RBFOX1: variants seen among roughly 807,000 people sequenced by gnomAD.
RBFOX1 encodes RNA binding protein fox-1 homolog 1.
A neutral mutation model predicts 57.7 loss-of-function variants in RBFOX1; 8 were observed. That is an observed-to-expected ratio of 0.14 (90% CI 0.08 to 0.25). RBFOX1 has a LOEUF of 0.25. RBFOX1 is among the 10% of genes least tolerant of loss of function. The probability of loss-of-function intolerance (pLI) is 1.00; values close to 1 mark genes in which losing one functional copy is unlikely to be tolerated. For synonymous variants in RBFOX1, 326 were observed against 222.4 expected (o/e 1.47, Z -4.15); for missense variants, 611 against 548.5 (o/e 1.11, Z -1.14).
chr16:6,102,417 C>G (rs921787544), intron 1 of RBFOX1, among the ~76,000 whole-genome samples: 5 of 152,200 alleles, frequency 3.3e-5, no homozygotes, highest in African/African-American at 1.2e-4. Flanking sequence ...GCTTCAGTCT[C>G]TAAGTCTTAC....
At chr16:5,243,573 C>T (rs865998134) in intron 1 of RBFOX1, among the ~76,000 whole-genome samples, 1 of 152,116 alleles carries the variant, frequency 6.6e-6, no homozygotes, top group African/African-American at 2.4e-5. Flanking sequence ...GGTGCCATTC[C>T]CCCCTCCCAG....
chr16:6,545,508 C>A lies in RBFOX1; in HGVS notation c.-63-109095C>A, dbSNP rs1487247243. Among the ~76,000 whole-genome samples the A allele has an allele frequency of 1.3e-5, 2 of 152,164 alleles. 1 individual carries two copies. Among genetic ancestry groups the A allele is most frequent in the South Asian group, 4.1e-4 (2 of 4,828 alleles). On this transcript the variant is annotated intron_variant, in intron 2 of 15. Transcript: ENST00000550418. Reference sequence around the variant, plus strand: ...CTCTCCTTCTGCCAGAGGATGCCTCCTGTCGTGGTCACTTGGCAAGGTCCA... The same window carrying A: ...CTCTCCTTCTGCCAGAGGATGCCTCATGTCGTGGTCACTTGGCAAGGTCCA...
intron 4 of RBFOX1, among the ~76,000 whole-genome samples, chr16:5,980,327 C>T (rs144533102): frequency 5.2e-3 from 791 of 152,234 alleles, no homozygotes; most frequent in Middle Eastern, 0.01. Context: ...GGCGGCAGAA[C>T]GGTATAGATG....
At chr16:6,634,653 C>A (rs1047781150) in intron 2 of RBFOX1, among the ~76,000 whole-genome samples, 33 of 95,068 alleles carry the variant, frequency 3.5e-4, no homozygotes, top group Admixed American at 2.3e-4. Context: ...TTATATAATA[C>A]AAATATATGT....
chr16:7,353,085 A>G (rs2097156447), intron 4 of RBFOX1, among the ~76,000 whole-genome samples: 1 of 152,164 alleles, frequency 6.6e-6, no homozygotes, highest in African/African-American at 2.4e-5. Flanking sequence ...CCCTAAAGCC[A>G]TACCTTTGAC....
chr16:6,709,367 T>C (rs2063335351), intron 3 of RBFOX1, among the ~76,000 whole-genome samples: 1 of 152,166 alleles, frequency 6.6e-6, no homozygotes, highest in South Asian at 2.1e-4. Flanking sequence ...AAAAATAAAT[T>C]TCAAGCATGC....
intron 2 of RBFOX1, among the ~76,000 whole-genome samples, chr16:6,523,652 A>T (rs2096539315): frequency 6.6e-6 from 1 of 152,216 alleles, no homozygotes; most frequent in African/African-American, 2.4e-5. Context: ...CAAATACATC[A>T]TAAGTATGTT....
At chr16:6,864,072 C>T (rs940242818) in intron 3 of RBFOX1, among the ~76,000 whole-genome samples, 1 of 150,220 alleles carries the variant, frequency 6.7e-6, no homozygotes, top group Non-Finnish European at 1.5e-5. Flanking sequence ...CTTCAGACTA[C>T]AGGGAGAGTA....
At chr16:6,981,864 A>G (rs768292090) in intron 3 of RBFOX1, among the ~76,000 whole-genome samples, 62 of 152,214 alleles carry the variant, frequency 4.1e-4, no homozygotes, top group Non-Finnish European at 6.9e-4. Flanking sequence ...TACACTGATG[A>G]CATTTAAGTT....
intron 14 of RBFOX1, among the ~76,000 whole-genome samples, chr16:7,696,369 C>G (rs1342903621): frequency 1.3e-5 from 2 of 152,090 alleles, no homozygotes; most frequent in Non-Finnish European, 2.9e-5. Flanking sequence ...GAGTTGGATT[C>G]TTCAATAGAT....
At chr16:7,257,098 C>T (rs1053005496) in intron 4 of RBFOX1, among the ~76,000 whole-genome samples, 3 of 152,118 alleles carry the variant, frequency 2.0e-5, no homozygotes, top group Non-Finnish European at 2.9e-5. Flanking sequence ...TGCATGCCAT[C>T]GTCCTTCAGT....
intron 4 of RBFOX1, among the ~76,000 whole-genome samples, chr16:7,227,371 C>CTGCATAATCCTCCTCTCGTAACCT (rs1555602706): frequency 3.3e-5 from 5 of 149,482 alleles, no homozygotes; most frequent in Admixed American, 6.8e-5. Flanking sequence ...ACTTAGCTCA[C>CTGCATAATCCTCCTCTCGTAACCT]TGCATAATCC....
chr16:7,597,364 T>A lies in RBFOX1; in HGVS notation c.562-7T>A. 6.2e-7 allele frequency: 1 copy of A among 1,606,234 alleles called. No individual in the cohort carries two copies. The highest frequency in any genetic ancestry group is 8.5e-7 in the Non-Finnish European group (1 of 1,174,760). On this transcript the variant is annotated splice_polypyrimidine_tract_variant and splice_region_variant and intron_variant, in intron 8 of 15. Coordinates refer to ENST00000550418, the MANE Select transcript of RBFOX1 (RefSeq NM_018723.4). ...TATGTGCTTACTTGAGTTTTCTATG[T>A]ACATAGGTAAATAATGCCACAGCAC... is the stretch of plus-strand genomic sequence containing the variant.
chr16:5,866,167 C>T (rs1394911615), intron 3 of RBFOX1, among the ~76,000 whole-genome samples: 9 of 152,136 alleles, frequency 5.9e-5, no homozygotes, highest in Non-Finnish European at 1.3e-4. Flanking sequence ...TGGGGTTTCA[C>T]CATGTTGGCC....
intron 11 of RBFOX1, among the ~76,000 whole-genome samples, chr16:7,652,431 A>G (rs1450503424): frequency 6.6e-6 from 1 of 152,202 alleles, no homozygotes; most frequent in Non-Finnish European, 1.5e-5. Flanking sequence ...TATTTGAGAA[A>G]AAGTCTTGCT....
intron 4 of RBFOX1, among the ~76,000 whole-genome samples, chr16:7,178,977 G>A (rs962121445): frequency 3.9e-5 from 6 of 152,068 alleles, no homozygotes; most frequent in African/African-American, 1.2e-4. Flanking sequence ...TATAATTTTC[G>A]GTGGCAGTGC....
At chr16:7,646,282 G>T (rs887085589) in intron 11 of RBFOX1, among the ~76,000 whole-genome samples, 1 of 152,096 alleles carries the variant, frequency 6.6e-6, no homozygotes, top group Non-Finnish European at 1.5e-5. Flanking sequence ...GGTTTATTTC[G>T]CCTCAGTATG....
rs144563224 is a variant in RBFOX1 at position 6,733,973 on chromosome 16, A to G, written c.-16+79323A>G. On this transcript the variant is annotated intron_variant, in intron 3 of 15. Coordinates refer to ENST00000550418, the MANE Select transcript of RBFOX1 (RefSeq NM_018723.4). ...TCTATCTTTAAGGGTTGCCATAAAG[A>G]CAAAGTTTATAGGACACAGTGTTCA... 3.9e-5 allele frequency among the ~76,000 whole-genome samples: 6 copies of G among 152,284 alleles called. No homozygotes were observed. In the East Asian group the frequency reaches 1.2e-3, roughly 29 times the overall value.
At chr16:7,669,203 C>T (rs894410762) in intron 13 of RBFOX1, among the ~76,000 whole-genome samples, 3 of 152,162 alleles carry the variant, frequency 2.0e-5, no homozygotes, top group African/African-American at 7.2e-5. Context: ...CATGACTGAC[C>T]CCTGAAGCTA....
Sources: gnomAD v4.1 joint callset for allele counts (sites outside exome capture counted in the v4.1 genomes callset) on GRCh38, gnomAD v4.1.1 for gene constraint, MANE v1.5 for transcripts, NCBI Gene and HGNC (gene_info 2026-07-23, HGNC 2026-07-21) for gene names.